HS6ST3: variants seen among roughly 807,000 people sequenced by gnomAD.
HS6ST3 encodes heparan-sulfate 6-O-sulfotransferase 3.
A neutral mutation model predicts 36.7 loss-of-function variants in HS6ST3; 12 were observed. That is an observed-to-expected ratio of 0.33 (90% CI 0.21 to 0.53). The LOEUF (loss-of-function observed/expected upper bound fraction) is 0.53, where lower values mean the gene tolerates loss of function less well. Among genes scored for constraint, HS6ST3 ranks in the 20% least tolerant of loss-of-function variants. The pLI, the probability that HS6ST3 is intolerant of heterozygous loss-of-function variation, is 0.95. For missense variants in HS6ST3, 584 were observed against 640.9 expected (o/e 0.91, Z 0.96); for synonymous variants, 240 against 257.5 (o/e 0.93, Z 0.65).
At chr13:96,304,245 G>A (rs2054898202) in intron 1 of HS6ST3, among the ~76,000 whole-genome samples, 1 of 152,002 alleles carries the variant, frequency 6.6e-6, no homozygotes, top group South Asian at 2.1e-4. Context: ...ACGTTACTAG[G>A]TTAGTCATTG....
In HS6ST3 at chr13:96,600,881, A is replaced by G. The variant is rs141170064; in HGVS notation, c.708-231609A>G. Among the ~76,000 whole-genome samples, 5 of 152,086 alleles carry G rather than the reference A, an allele frequency of 3.3e-5. No homozygotes were observed. The East Asian group carries it at 5.8e-4, about 18-fold the overall frequency. On this transcript the variant is annotated intron_variant, in intron 1 of 1. Coordinates refer to ENST00000376705, the MANE Select transcript of HS6ST3 (RefSeq NM_153456.4). Reference sequence around the variant, plus strand: ...TCTAGTGGTGACAAGTTCCCTCAGCATTTGCTTGTCTGGGAAATACTTTGT... The same window carrying G: ...TCTAGTGGTGACAAGTTCCCTCAGCGTTTGCTTGTCTGGGAAATACTTTGT...
At chr13:96,443,514 A>C (rs940034267) in intron 1 of HS6ST3, among the ~76,000 whole-genome samples, 8 of 136,956 alleles carry the variant, frequency 5.8e-5, no homozygotes, top group African/African-American at 1.9e-4. Context: ...TGGGGGACAG[A>C]GCGAGACTCC....
At chr13:96,273,031 G>A (rs887925730) in intron 1 of HS6ST3, among the ~76,000 whole-genome samples, 4 of 151,870 alleles carry the variant, frequency 2.6e-5, no homozygotes, top group Non-Finnish European at 4.4e-5. Context: ...ATTTAGAAAA[G>A]GAATCCTACA....
intron 1 of HS6ST3, among the ~76,000 whole-genome samples, chr13:96,239,207 G>A (rs1375781767): frequency 6.6e-6 from 1 of 152,158 alleles, no homozygotes; most frequent in African/African-American, 2.4e-5. Context: ...GAAAGTTTGG[G>A]CACCTTTCAG....
intron 1 of HS6ST3, among the ~76,000 whole-genome samples, chr13:96,130,462 C>T (rs72638028): frequency 0.019 from 2,868 of 152,214 alleles, 113 homozygotes; most frequent in Admixed American, 0.1. Context: ...GTAATATTGT[C>T]CTATAGGCAA....
chr13:96,350,493 G>A (rs972058379), intron 1 of HS6ST3, among the ~76,000 whole-genome samples: 1 of 152,174 alleles, frequency 6.6e-6, no homozygotes, highest in Non-Finnish European at 1.5e-5. Context: ...AGCATAAATA[G>A]CATTTATATG....
chr13:96,499,371 A>G (rs978547876), intron 1 of HS6ST3, among the ~76,000 whole-genome samples: 2 of 152,140 alleles, frequency 1.3e-5, no homozygotes, highest in African/African-American at 2.4e-5. Context: ...CACATAGTAC[A>G]TATCAGGCAT....
intron 1 of HS6ST3, among the ~76,000 whole-genome samples, chr13:96,803,828 A>T (rs554120228): frequency 6.6e-6 from 1 of 152,282 alleles, no homozygotes; most frequent in South Asian, 2.1e-4. Context: ...TTAAATAAAC[A>T]CTTAGTAATG....
chr13:96,303,700 C>T (rs897238910), intron 1 of HS6ST3, among the ~76,000 whole-genome samples: 16 of 152,138 alleles, frequency 1.1e-4, no homozygotes, highest in East Asian at 3.9e-4. Context: ...TTTGGAAAGA[C>T]GAAGGTAAAA....
intron 1 of HS6ST3, among the ~76,000 whole-genome samples, chr13:96,430,345 A>G (rs1364884395): frequency 1.3e-5 from 2 of 152,156 alleles, no homozygotes; most frequent in African/African-American, 4.8e-5. Context: ...TTGTCTGGCA[A>G]ACTGTAGTAG....
chr13:96,384,417 T>A (rs1278158711), intron 1 of HS6ST3, among the ~76,000 whole-genome samples: 2 of 152,164 alleles, frequency 1.3e-5, no homozygotes, highest in Non-Finnish European at 2.9e-5. Context: ...AAACAAAAAG[T>A]TAGTGCCCAT....
chr13:96,274,838 TTCACAC>T (rs2054739812), intron 1 of HS6ST3, among the ~76,000 whole-genome samples: 1 of 92,986 alleles, frequency 1.1e-5, no homozygotes, highest in East Asian at 3.2e-4. Flanking sequence ...AACTTAGTCC[TTCACAC>T]ACACACACAC....
intron 1 of HS6ST3, among the ~76,000 whole-genome samples, chr13:96,722,194 G>A (rs1875867569): frequency 6.6e-6 from 1 of 152,132 alleles, no homozygotes; most frequent in Non-Finnish European, 1.5e-5. Flanking sequence ...GAATCTGGGA[G>A]GCAGAGGTTT....
At chr13:96,110,469 C>T (rs2053862852) in intron 1 of HS6ST3, among the ~76,000 whole-genome samples, 1 of 149,020 alleles carries the variant, frequency 6.7e-6, no homozygotes, top group Non-Finnish European at 1.5e-5. Flanking sequence ...CGGTGTCTCA[C>T]TCTGTCGCCC....
At chr13:96,294,102 T>C (rs376146690) in intron 1 of HS6ST3, among the ~76,000 whole-genome samples, 23 of 152,128 alleles carry the variant, frequency 1.5e-4, no homozygotes, top group African/African-American at 5.5e-4. Context: ...GTTATTGGCA[T>C]TTTTTCTTCC....
At chr13:96,293,946 T>G (rs1322696545) in intron 1 of HS6ST3, among the ~76,000 whole-genome samples, 1 of 152,156 alleles carries the variant, frequency 6.6e-6, no homozygotes, top group African/African-American at 2.4e-5. Flanking sequence ...GTCTCACAGT[T>G]GCATGGTGGT....
At chr13:96,796,626 A>G (rs997138206) in intron 1 of HS6ST3, among the ~76,000 whole-genome samples, 38 of 152,250 alleles carry the variant, frequency 2.5e-4, no homozygotes, top group Admixed American at 1.9e-3. Flanking sequence ...CCTTGAACAC[A>G]TTTAAATTCA....
In HS6ST3 at chr13:96,725,670, A is replaced by ATGTG. The variant is rs371549749; in HGVS notation, c.708-106801_708-106798dup. Reference sequence around the variant, plus strand: ...AGAACACAGTTTTTCACTGAATTGCATGTGTGTGTGTGTGTGTGTGTGATT... The same window carrying ATGTG: ...AGAACACAGTTTTTCACTGAATTGCATGTGTGTGTGTGTGTGTGTGTGTGTGATT... On this transcript the variant is annotated intron_variant, in intron 1 of 1. Transcript: ENST00000376705. 5.9e-3 allele frequency among the ~76,000 whole-genome samples: 876 copies of ATGTG among 148,524 alleles called. 7 individuals carry two copies. Among genetic ancestry groups the ATGTG allele is most frequent in the African/African-American group, 0.02 (820 of 40,622 alleles).
intron 1 of HS6ST3, among the ~76,000 whole-genome samples, chr13:96,648,877 A>G (rs895946695): frequency 1.3e-4 from 20 of 152,186 alleles, no homozygotes; most frequent in Non-Finnish European, 1.8e-4. Context: ...TATATGTACC[A>G]TATTTTCTTT....
Sources: gnomAD v4.1 joint callset for allele counts (sites outside exome capture counted in the v4.1 genomes callset) on GRCh38, gnomAD v4.1.1 for gene constraint, MANE v1.5 for transcripts, NCBI Gene and HGNC (gene_info 2026-07-23, HGNC 2026-07-21) for gene names.